The following CORO7 variants were observed in gnomAD, a reference collection of about 807,000 sequenced individuals.
The protein encoded by CORO7 is coronin-7.
In CORO7, 107 loss-of-function variants were observed where a neutral mutation model predicts 126.6. The observed-to-expected ratio is 0.85, with a 90% CI of 0.72 to 0.99. The LOEUF (loss-of-function observed/expected upper bound fraction) is 0.99. Among genes scored for constraint, CORO7 ranks in the 50% least tolerant of loss-of-function variants. The probability of loss-of-function intolerance (pLI) is 0.00; values close to 1 mark genes in which losing one functional copy is unlikely to be tolerated. For synonymous variants in CORO7, 603 were observed against 536.8 expected, an observed-to-expected ratio of 1.12 and a Z score of -1.70; for missense variants, 1,314 against 1,255.8, an observed-to-expected ratio of 1.05 and a Z score of -0.70.
chr16:4,381,474 G>T, intron 9 of CORO7: 4 of 1,583,322 alleles, frequency 2.5e-6, no homozygotes, highest in Non-Finnish European at 3.4e-6. Context: ...CGCTGCGGCT[G>T]GCTGGTCTGG....
intron 7 of CORO7, among the ~76,000 whole-genome samples, chr16:4,389,431 C>T (rs540342831): frequency 6.6e-6 from 1 of 152,296 alleles, no homozygotes; most frequent in South Asian, 2.1e-4. Flanking sequence ...CCAAAAATAG[C>T]TCACCCCAAA....
chr16:4,363,891 T>G (rs1307673336), intron 14 of CORO7, among the ~76,000 whole-genome samples: 1 of 151,126 alleles, frequency 6.6e-6, no homozygotes, highest in African/African-American at 2.4e-5. Flanking sequence ...TGGTGGCGGG[T>G]GCCTGTAATC....
chr16:4,397,016 A>AC (rs1201023024), intron 6 of CORO7, among the ~76,000 whole-genome samples: 1 of 129,412 alleles, frequency 7.7e-6, no homozygotes, highest in Non-Finnish European at 1.6e-5. Flanking sequence ...ACTCAATCTC[A>AC]AAAAAAAAAA....
At chr16:4,400,245 T>A (rs2055750706) in intron 6 of CORO7, among the ~76,000 whole-genome samples, 2 of 152,172 alleles carry the variant, frequency 1.3e-5, no homozygotes, top group Admixed American at 1.3e-4. Flanking sequence ...AGGCCTATAA[T>A]CCCAGCACTT....
At chr16:4,388,661 C>T (rs1476849992) in intron 7 of CORO7, 30 bp from the exon 8 acceptor site, 5 of 1,599,136 alleles carry the variant, frequency 3.1e-6, no homozygotes, top group Non-Finnish European at 4.3e-6. Flanking sequence ...GACCTGAGCC[C>T]CCAGGGCCCT....
At chr16:4,373,892 C>G (rs531331215) in intron 9 of CORO7, among the ~76,000 whole-genome samples, 46 of 152,230 alleles carry the variant, frequency 3.0e-4, no homozygotes, top group African/African-American at 1.1e-3. Flanking sequence ...TCCCTGACCA[C>G]TGGCCAGCCC....
intron 7 of CORO7, among the ~76,000 whole-genome samples, chr16:4,393,102 G>A (rs2055454279): frequency 6.6e-6 from 1 of 152,220 alleles, no homozygotes; most frequent in South Asian, 2.1e-4. Context: ...GAGGAGGGGA[G>A]AATAGGAAGA....
chr16:4,356,428 TTTTA>T (rs940952115), intron 26 of CORO7: 5 of 151,734 alleles, frequency 3.3e-5, no homozygotes, highest in African/African-American at 9.7e-5. Context: ...TTATTTTTAT[TTTTA>T]TTTATTTATT....
rs556375825 is a variant in CORO7, at chr16:4,412,053, A to C, written c.232+303T>G. Among the ~76,000 whole-genome samples the C allele has an allele frequency of 2.6e-4, 40 of 152,098 alleles. No homozygotes were observed. In the East Asian group the frequency reaches 7.2e-3, roughly 27 times the overall value. On this transcript the variant is annotated intron_variant, in intron 3 of 27. Transcript: ENST00000251166. Reference sequence around the variant, plus strand: ...AAGACGGAGGGCTCAGAGCCATCCAACGTGGAGTCCTCGGCAGGGACAGGG... The same window carrying C: ...AAGACGGAGGGCTCAGAGCCATCCACCGTGGAGTCCTCGGCAGGGACAGGG...
rs773956867 is a variant in CORO7 at position 4,357,166 on chromosome 16, A to C, written c.2685+2T>G. ...CGCACAGCTGCTCTCTCCCATGCCT[A>C]CCTCCTCCTTCTTTTGCTGGTCAGA... On this transcript the variant is annotated splice_donor_variant, in intron 26 of 27. Transcript: ENST00000251166. LOFTEE classifies it high-confidence loss of function. The C allele has an allele frequency of 2.5e-5, 40 of 1,613,074 alleles. No individual in the cohort carries two copies. Among genetic ancestry groups the C allele is most frequent in the Middle Eastern group, 1.6e-4 (1 of 6,084 alleles).
chr16:4,400,921 G>A (rs1306190864), intron 6 of CORO7, among the ~76,000 whole-genome samples: 1 of 152,042 alleles, frequency 6.6e-6, no homozygotes, highest in Non-Finnish European at 1.5e-5. Context: ...TAAGGAATAT[G>A]GAAAATCCTT....
chr16:4,368,510 C>T (rs1364237779), intron 9 of CORO7, among the ~76,000 whole-genome samples: 1 of 151,950 alleles, frequency 6.6e-6, no homozygotes, highest in East Asian at 1.9e-4. Flanking sequence ...GTAATCCCAG[C>T]ACTTTGGGAG....
intron 6 of CORO7, among the ~76,000 whole-genome samples, chr16:4,398,244 A>G (rs1447285942): frequency 1.3e-5 from 2 of 152,198 alleles, no homozygotes; most frequent in African/African-American, 4.8e-5. Context: ...AAAAATATAT[A>G]TATAGAAATG....
chr16:4,366,009 C>T (rs1445978924), intron 9 of CORO7, among the ~76,000 whole-genome samples: 1 of 152,190 alleles, frequency 6.6e-6, no homozygotes, highest in Non-Finnish European at 1.5e-5. Context: ...GCAGCCCTGC[C>T]GTTCCGAATC....
intron 6 of CORO7, among the ~76,000 whole-genome samples, chr16:4,395,628 A>T (rs1302574309): frequency 6.6e-6 from 1 of 152,180 alleles, no homozygotes; most frequent in Non-Finnish European, 1.5e-5. Flanking sequence ...GGCATCCCAG[A>T]CACTCGACCC....
At chr16:4,358,251 G>A in intron 24 of CORO7, 116 bp downstream of exon 24, 1 of 1,528,056 alleles carries the variant, frequency 6.5e-7, no homozygotes, top group Non-Finnish European at 8.9e-7. Context: ...GAAGGGGGTA[G>A]GTGTCCCCAT....
At chr16:4,403,677 T>C (rs1297019816) in intron 6 of CORO7, among the ~76,000 whole-genome samples, 1 of 152,024 alleles carries the variant, frequency 6.6e-6, no homozygotes, top group African/African-American at 2.4e-5. Flanking sequence ...CGGTGGCCCA[T>C]GGGGCTGCTC....
intron 7 of CORO7, among the ~76,000 whole-genome samples, chr16:4,391,734 C>T (rs1175012831): frequency 6.6e-6 from 1 of 152,214 alleles, no homozygotes; most frequent in Non-Finnish European, 1.5e-5. Flanking sequence ...CGTTTGCCAG[C>T]CTCAGCAAGC....
At position 4,362,250 on chromosome 16, in the gene CORO7, A is replaced by C; in HGVS notation, c.1403-90T>G. The C allele has an allele frequency of 6.8e-7, 1 of 1,481,448 alleles. No homozygotes were observed. Among genetic ancestry groups the C allele is most frequent in the Non-Finnish European group, 9.0e-7 (1 of 1,111,644 alleles). The allele number at this position is 1,481,448 out of a possible 1,614,324, so 91.8% of individuals were successfully genotyped here. On this transcript the variant is annotated intron_variant, in intron 15 of 27. Transcript: ENST00000251166. The surrounding 1 kb of genome is among the most constrained non-coding windows in gnomAD (Gnocchi z 5.3). ...TGAGTCCCGGCTGCCCACTCCCCTC[A>C]CCCCAGGTGGATGTACAGCATGGAC...
Sources: allele counts gnomAD v4.1 joint callset (sites outside exome capture counted in the v4.1 genomes callset), GRCh38; gene constraint gnomAD v4.1.1; non-coding constraint Gnocchi (gnomAD v3.1); transcripts MANE v1.5; gene names NCBI Gene and HGNC (gene_info 2026-07-23, HGNC 2026-07-21).